The following SEMA3A variants were observed in gnomAD, a reference collection of about 807,000 sequenced individuals.
SEMA3A encodes the protein semaphorin-3A.
Under a neutral mutation model 97.9 loss-of-function variants are expected in SEMA3A, and 29 were observed. The observed-to-expected ratio is 0.30, with a 90% CI of 0.22 to 0.40. The LOEUF (loss-of-function observed/expected upper bound fraction) is 0.40, where lower values mean the gene tolerates loss of function less well. SEMA3A is among the 10% of genes least tolerant of loss of function. The pLI, the probability that SEMA3A is intolerant of heterozygous loss-of-function variation, is 1.00. For synonymous variants in SEMA3A, 321 were observed against 323.7 expected (o/e 0.99, Z 0.09); for missense variants, 763 against 951.3 (o/e 0.80, Z 2.60).
chr7:84,380,449 CTG>C (rs1228033625), intron 1 of SEMA3A, among the ~76,000 whole-genome samples: 1 of 152,076 alleles, frequency 6.6e-6, no homozygotes, highest in Non-Finnish European at 1.5e-5. Flanking sequence ...CAGGAAAACT[CTG>C]AGTACTATTC....
At chr7:84,348,144 G>T (rs1251691067) in intron 2 of SEMA3A, among the ~76,000 whole-genome samples, 1 of 152,058 alleles carries the variant, frequency 6.6e-6, no homozygotes, top group Non-Finnish European at 1.5e-5. Context: ...AATAAAAAAT[G>T]CTGCTGAATA....
Position 84,452,733 on chromosome 7 carries a change from T to C in SEMA3A, c.-246+39727A>G, listed in dbSNP as rs189372161. Among the ~76,000 whole-genome samples the C allele has an allele frequency of 1.2e-4, 19 of 152,348 alleles. No homozygotes were observed. In the East Asian group the frequency reaches 3.5e-3, roughly 28 times the overall value. On this transcript the variant is annotated intron_variant, in intron 1 of 3. Coordinates refer to the SEMA3A transcript ENST00000424555. ...CCATAGGGTGTTGCTGATGAAAGAC[T>C]GCACACGGCAACAACAATTCACCTA... is the stretch of plus-strand genomic sequence containing the variant.
chr7:83,991,472 T>C (rs963900749), intron 12 of SEMA3A, among the ~76,000 whole-genome samples: 1 of 150,658 alleles, frequency 6.6e-6, no homozygotes, highest in Non-Finnish European at 1.5e-5. Flanking sequence ...TAGATAGCTC[T>C]TATTATTTTG....
intron 5 of SEMA3A, among the ~76,000 whole-genome samples, chr7:84,054,730 T>A (rs974149368): frequency 4.1e-5 from 6 of 147,014 alleles, no homozygotes; most frequent in East Asian, 2.0e-4. Context: ...CATCCAGCTT[T>A]GTTCCGTTGC....
chr7:84,346,452 T>A (rs1426556894), intron 2 of SEMA3A, among the ~76,000 whole-genome samples: 1 of 152,306 alleles, frequency 6.6e-6, no homozygotes, highest in African/African-American at 2.4e-5. Flanking sequence ...ATTTATAGCT[T>A]TTTATTTAAA....
At chr7:84,088,183 C>T (rs1794439520) in intron 4 of SEMA3A, among the ~76,000 whole-genome samples, 1 of 152,128 alleles carries the variant, frequency 6.6e-6, no homozygotes, top group Non-Finnish European at 1.5e-5. Context: ...TTGCCAGGCG[C>T]AGTGGCTCAT....
At chr7:83,992,487 T>G (rs1259426071) in intron 12 of SEMA3A, among the ~76,000 whole-genome samples, 1 of 151,770 alleles carries the variant, frequency 6.6e-6, no homozygotes, top group Non-Finnish European at 1.5e-5. Flanking sequence ...CACACTGCTT[T>G]GAATGCGTCC....
At chr7:84,306,127 A>G (rs1379201225) in intron 3 of SEMA3A, among the ~76,000 whole-genome samples, 1 of 151,852 alleles carries the variant, frequency 6.6e-6, no homozygotes, top group Non-Finnish European at 1.5e-5. Flanking sequence ...ATTTCAACAT[A>G]CTTCTTAAAT....
At chr7:84,158,116 A>T in intron 1 of SEMA3A, among the ~76,000 whole-genome samples, 1 of 139,236 alleles carries the variant, frequency 7.2e-6, no homozygotes, top group African/African-American at 2.6e-5. Flanking sequence ...CCTTTGCTAC[A>T]TTGAAGCTTA....
intron 3 of SEMA3A, among the ~76,000 whole-genome samples, chr7:84,270,155 T>C (rs2050294451): frequency 6.6e-6 from 1 of 152,128 alleles, no homozygotes; most frequent in East Asian, 1.9e-4. Context: ...TGGTAGGCCA[T>C]GAGAGCCAGA....
intron 2 of SEMA3A, among the ~76,000 whole-genome samples, chr7:84,339,044 T>C (rs1217776980): frequency 6.6e-6 from 1 of 152,206 alleles, no homozygotes; most frequent in Non-Finnish European, 1.5e-5. Context: ...TTGGTATATA[T>C]ATATCCCATA....
At chr7:84,472,452 C>T (rs1296005914) in intron 1 of SEMA3A, among the ~76,000 whole-genome samples, 4 of 152,206 alleles carry the variant, frequency 2.6e-5, no homozygotes, top group East Asian at 1.9e-4. Context: ...CTTCGTGCTT[C>T]GTATTATATT....
At chr7:84,122,723 C>T (rs1795665349) in intron 3 of SEMA3A, among the ~76,000 whole-genome samples, 1 of 152,098 alleles carries the variant, frequency 6.6e-6, no homozygotes, top group African/African-American at 2.4e-5. Flanking sequence ...TTTTGGAATG[C>T]ACTGTAACTT....
chr7:84,407,556 A>G (rs1804131791), intron 1 of SEMA3A, among the ~76,000 whole-genome samples: 1 of 151,416 alleles, frequency 6.6e-6, no homozygotes, highest in African/African-American at 2.4e-5. Context: ...TAAAGTTCAT[A>G]TGGAACCAAA....
At chr7:84,406,778 T>C (rs1488439163) in intron 1 of SEMA3A, among the ~76,000 whole-genome samples, 1 of 152,086 alleles carries the variant, frequency 6.6e-6, no homozygotes, top group Non-Finnish European at 1.5e-5. Flanking sequence ...ATCCAGCATA[T>C]AAACAGAACC....
At chr7:84,018,109 A>G (rs1161694743) in intron 6 of SEMA3A, among the ~76,000 whole-genome samples, 1 of 152,174 alleles carries the variant, frequency 6.6e-6, no homozygotes, top group Non-Finnish European at 1.5e-5. Context: ...GCTCTTCGTC[A>G]AATCGACAAA....
chr7:84,344,940 A>G (rs1295698764), intron 2 of SEMA3A, among the ~76,000 whole-genome samples: 1 of 152,184 alleles, frequency 6.6e-6, no homozygotes, highest in Non-Finnish European at 1.5e-5. Context: ...CATTCTGGAA[A>G]AACACTTTAT....
intron 6 of SEMA3A, among the ~76,000 whole-genome samples, chr7:84,026,770 T>A (rs1791563631): frequency 6.6e-6 from 1 of 152,136 alleles, no homozygotes; most frequent in Non-Finnish European, 1.5e-5. Flanking sequence ...TACTGCATGT[T>A]CTCACTTATA....
At chr7:84,032,234 T>C (rs1038266156) in intron 6 of SEMA3A, among the ~76,000 whole-genome samples, 2 of 152,140 alleles carry the variant, frequency 1.3e-5, no homozygotes, top group Non-Finnish European at 2.9e-5. Flanking sequence ...TCTATAAGAA[T>C]GTGGCCTGAT....
Sources: allele counts gnomAD v4.1 joint callset (sites outside exome capture counted in the v4.1 genomes callset), GRCh38; gene constraint gnomAD v4.1.1; transcripts MANE v1.5; gene names NCBI Gene and HGNC (gene_info 2026-07-23, HGNC 2026-07-21).